The following MAP3K4 variants were observed in gnomAD, a reference collection of about 807,000 sequenced individuals.
The protein encoded by MAP3K4 is mitogen-activated protein kinase kinase kinase 4, also known as MAP three kinase 1.
A neutral mutation model predicts 185.6 loss-of-function variants in MAP3K4; 67 were observed. The observed-to-expected ratio is 0.36, with a 90% CI of 0.30 to 0.44. The LOEUF (loss-of-function observed/expected upper bound fraction) is 0.44, where lower values mean the gene tolerates loss of function less well. Among genes scored for constraint, MAP3K4 ranks in the 20% least tolerant of loss-of-function variants. MAP3K4 has a pLI of 1.00. For missense variants in MAP3K4, 1,551 were observed against 1,995.1 expected (o/e 0.78, Z 4.24); for synonymous variants, 702 against 710.4 (o/e 0.99, Z 0.19).
chr6:161,044,258 A>G (rs1227202845), intron 2 of MAP3K4, among the ~76,000 whole-genome samples: 1 of 152,200 alleles, frequency 6.6e-6, no homozygotes, highest in African/African-American at 2.4e-5. Flanking sequence ...GTAGTCCTGT[A>G]ATTAGAACTT....
intron 6 of MAP3K4, among the ~76,000 whole-genome samples, chr6:161,081,655 T>A (rs556953703): frequency 1.3e-5 from 2 of 152,260 alleles, no homozygotes; most frequent in Admixed American, 1.3e-4. Flanking sequence ...GGCTGGTCTG[T>A]CAGTTCTAGG....
At position 161,092,907 on chromosome 6, in the gene MAP3K4, A is replaced by G. The variant is rs1018178034; in HGVS notation, c.3270-71A>G. On this transcript the variant is annotated intron_variant, in intron 13 of 26. Transcript: ENST00000392142. ...AATTATAATTATGTTACTTTTCAGT[A>G]TTGTACAGTCTAAAACTGCTACAGC... The G allele has an allele frequency of 9.0e-6, 8 of 888,254 alleles. No homozygotes were observed. The Admixed American group carries it at 1.5e-4, about 16-fold the overall frequency. 55.0% of individuals were successfully genotyped at this position (888,254 alleles called of 1,614,324 possible). A position where few individuals can be genotyped will look rare whatever the true frequency, so the allele number is the denominator to read the frequency against.
At chr6:161,090,505 C>T (rs1242733298) in intron 11 of MAP3K4, among the ~76,000 whole-genome samples, 1 of 146,312 alleles carries the variant, frequency 6.8e-6, no homozygotes, top group East Asian at 2.0e-4. Context: ...GCCCGTAACT[C>T]TTGGTCGTGG....
At chr6:161,023,200 T>A (rs1782484229) in intron 1 of MAP3K4, among the ~76,000 whole-genome samples, 1 of 152,200 alleles carries the variant, frequency 6.6e-6, no homozygotes, top group East Asian at 1.9e-4. Context: ...TATTTTCCTT[T>A]TTTTAAAATT....
At position 161,100,189 on chromosome 6, in the gene MAP3K4, G is replaced by A. The variant is rs574268136; in HGVS notation, c.3675-1703G>A. Among the ~76,000 whole-genome samples the A allele has an allele frequency of 1.3e-5, 2 of 152,262 alleles. No individual in the cohort carries two copies. Among genetic ancestry groups the A allele is most frequent in the South Asian group, 2.1e-4 (1 of 4,820 alleles). On this transcript the variant is annotated intron_variant, in intron 17 of 26. Coordinates refer to ENST00000392142, the MANE Select transcript of MAP3K4 (RefSeq NM_005922.4). The surrounding 1 kb of genome is among the most constrained non-coding windows in gnomAD (Gnocchi z 5.8). ...CACAGTGAGCCTGGTTCATGGGCCC[G>A]TGAGTCACTGGTGGATTCGGCCCAC...
In MAP3K4 at chr6:161,048,631, C is replaced by A; in HGVS notation, c.359C>A (p.Pro120Gln). The change falls in exon 3 of 27, where the codon CCA becomes CAA. Residue 120 changes from proline to glutamine, a missense_variant. Coordinates refer to ENST00000392142, the MANE Select transcript of MAP3K4 (RefSeq NM_005922.4). This position sits in a 1 kb window ranked among gnomAD's most constrained non-coding sequence, Gnocchi z 4.7. The stretch of plus-strand genomic sequence containing the variant: ...TTTTTAATAGAAAAAATGAATGCAC[C>A]AAATCAGCCTCCACATAAAGACACT... ...RSNLKEKMNA[P>Q]NQPPHKDTGK... 6.3e-7 allele frequency: 1 copy of A among 1,575,732 alleles called. No homozygotes were observed. The highest frequency in any genetic ancestry group is 8.6e-7 in the Non-Finnish European group (1 of 1,165,998).
At position 161,075,258 on chromosome 6, in the gene MAP3K4, G is replaced by A. The variant is rs150753597; in HGVS notation, c.2097+1646G>A. ...TAGTCTCAACCTACTGGGCTCAAAC[G>A]ATCCTCCTGCCTCAGCCTCCCTAAT... On this transcript the variant is annotated intron_variant, in intron 5 of 26. Transcript: ENST00000392142. This position sits in a 1 kb window ranked among gnomAD's most constrained non-coding sequence, Gnocchi z 4.3. Among the ~76,000 whole-genome samples, 1,215 of 152,194 alleles carry A rather than the reference G, an allele frequency of 8.0e-3. 15 individuals carry two copies. The highest frequency in any genetic ancestry group is 0.027 in the African/African-American group (1,131 of 41,524).
Position 161,098,317 on chromosome 6 carries a change from CCCT to C in MAP3K4, c.3565_3567del (p.Pro1189del). The C allele has an allele frequency of 6.5e-7, 1 of 1,529,726 alleles. No homozygotes were observed. The highest frequency in any genetic ancestry group is 8.7e-7 in the Non-Finnish European group (1 of 1,148,232). 94.8% of individuals were successfully genotyped at this position (1,529,726 alleles called of 1,614,324 possible). ...CTTCCGACGCGCGGAGCCATGGCAG[CCCT>C]GCTGCTGCTGCTGCTGCTGCTGCTG... On this transcript the variant is annotated inframe_deletion, in exon 17 of 27. Coordinates refer to ENST00000392142, the MANE Select transcript of MAP3K4 (RefSeq NM_005922.4). The surrounding 1 kb of genome is among the most constrained non-coding windows in gnomAD (Gnocchi z 4.4).
chr6:161,016,011 T>A (rs1782088033), intron 1 of MAP3K4, among the ~76,000 whole-genome samples: 1 of 152,204 alleles, frequency 6.6e-6, no homozygotes, highest in African/African-American at 2.4e-5. Flanking sequence ...GCTATATAAA[T>A]TCATGTATAA....
intron 1 of MAP3K4, among the ~76,000 whole-genome samples, chr6:161,002,231 T>C (rs1270004362): frequency 6.6e-6 from 1 of 152,156 alleles, no homozygotes; most frequent in African/African-American, 2.4e-5. Context: ...TTTAGGTTAA[T>C]AGGCACAGCT....
intron 1 of MAP3K4, among the ~76,000 whole-genome samples, chr6:161,025,984 T>C (rs1044067323): frequency 6.6e-6 from 1 of 152,206 alleles, no homozygotes; most frequent in African/African-American, 2.4e-5. Context: ...TTGCTTTCCC[T>C]TGAATAGTTT....
Position 161,051,114 on chromosome 6 carries a change from T to G in MAP3K4, c.1707+1135T>G, listed in dbSNP as rs1014908823. On this transcript the variant is annotated intron_variant, in intron 3 of 26. Transcript: ENST00000392142. The surrounding 1 kb of genome is among the most constrained non-coding windows in gnomAD (Gnocchi z 4.2). ...GGGGAATAATGGCAAGAAAAAAGTT[T>G]GTACATGTTTAATACAGATGTAGTT... is the stretch of plus-strand genomic sequence containing the variant. 4.6e-5 allele frequency among the ~76,000 whole-genome samples: 7 copies of G among 152,274 alleles called. No individual in the cohort carries two copies. Among genetic ancestry groups the G allele is most frequent in the Non-Finnish European group, 8.8e-5 (6 of 68,056 alleles).
intron 1 of MAP3K4, among the ~76,000 whole-genome samples, chr6:161,012,471 A>T (rs185001459): frequency 7.2e-5 from 11 of 152,340 alleles, no homozygotes; most frequent in Admixed American, 7.2e-4. Context: ...AATAGAAATT[A>T]TAATTCATGG....
chr6:161,024,345 C>A (rs1469327446), intron 1 of MAP3K4, among the ~76,000 whole-genome samples: 1 of 152,082 alleles, frequency 6.6e-6, no homozygotes, highest in Non-Finnish European at 1.5e-5. Context: ...CTCAGTTTCC[C>A]CTTTTATTAA....
intron 3 of MAP3K4, among the ~76,000 whole-genome samples, chr6:161,065,872 A>C (rs1219414763): frequency 7.3e-6 from 1 of 136,060 alleles, no homozygotes; most frequent in Non-Finnish European, 1.5e-5. Context: ...CGGGAGGCGG[A>C]GCTTGCAGTG....
chr6:161,013,304 G>A (rs630006), intron 1 of MAP3K4, among the ~76,000 whole-genome samples: 118,688 of 152,106 alleles, frequency 0.78, 47,769 homozygotes, highest in Non-Finnish European at 0.88. Flanking sequence ...TTGTTTGCTC[G>A]TTTTCTTGTT....
rs774273182 is a variant in MAP3K4 at position 161,059,320 on chromosome 6, A to G, written c.1707+9341A>G. ...CTGGCTAATTTTTTGTATTTTTAGT[A>G]GAGATGGGGTTTCATTATGTTGGCC... On this transcript the variant is annotated intron_variant, in intron 3 of 26. Coordinates refer to ENST00000392142, the MANE Select transcript of MAP3K4 (RefSeq NM_005922.4). Among the ~76,000 whole-genome samples, 105 of 152,174 alleles carry G rather than the reference A, an allele frequency of 6.9e-4. 2 individuals are homozygous for G. The highest frequency in any genetic ancestry group is 6.8e-3 in the Middle Eastern group (2 of 294).
chr6:161,035,354 C>G (rs563925914), intron 2 of MAP3K4, among the ~76,000 whole-genome samples: 1 of 152,292 alleles, frequency 6.6e-6, no homozygotes, highest in South Asian at 2.1e-4. Context: ...CATTCTTCCT[C>G]TTTGTTCTGC....
intron 1 of MAP3K4, among the ~76,000 whole-genome samples, chr6:161,001,122 TATATA>T (rs1781300959): frequency 6.9e-6 from 1 of 145,616 alleles, no homozygotes; most frequent in Non-Finnish European, 1.5e-5. Flanking sequence ...TATATACACA[TATATA>T]ATACAAGTGT....
Sources: gnomAD v4.1 joint callset for allele counts (sites outside exome capture counted in the v4.1 genomes callset) on GRCh38, gnomAD v4.1.1 for gene constraint, Gnocchi (gnomAD v3.1) non-coding constraint, MANE v1.5 for transcripts, NCBI Gene and HGNC (gene_info 2026-07-23, HGNC 2026-07-21) for gene names.